DTNB: variants seen among roughly 807,000 people sequenced by gnomAD.
DTNB encodes DTN-B.
A neutral mutation model predicts 90.7 loss-of-function variants in DTNB; 63 were observed. That is an observed-to-expected ratio of 0.69 (90% CI 0.57 to 0.86). The LOEUF is 0.86. DTNB is among the 40% of genes least tolerant of loss of function. The pLI is 0.00. For synonymous variants in DTNB, 277 were observed against 286.7 expected (o/e 0.97, Z 0.34); for missense variants, 744 against 807.1 (o/e 0.92, Z 0.95).
intron 8 of DTNB, among the ~76,000 whole-genome samples, chr2:25,533,707 T>A (rs1316215716): frequency 1.3e-5 from 2 of 152,244 alleles, no homozygotes; most frequent in Admixed American, 1.3e-4. Context: ...TTCTTTTAGG[T>A]CTCTGTATCT....
At position 25,388,805 on chromosome 2, in the gene DTNB, C is replaced by CGTGTGTGTGTGTGTGTGTGTGTGTGTGT. The variant is rs112323714; in HGVS notation, c.1576-445_1576-444insACACACACACACACACACACACACACAC. Among the ~76,000 whole-genome samples the CGTGTGTGTGTGTGTGTGTGTGTGTGTGT allele has an allele frequency of 1.6e-3, 240 of 149,246 alleles. 2 individuals carry two copies. Among genetic ancestry groups the CGTGTGTGTGTGTGTGTGTGTGTGTGTGT allele is most frequent in the Middle Eastern group, 0.011 (3 of 284 alleles). ...GCAACCTGTGAGTGGAAAGGACATA[C>CGTGTGTGTGTGTGTGTGTGTGTGTGTGT]GTGTGTGTGTGTGTGTGTGTGTGTG... On this transcript the variant is annotated intron_variant, in intron 16 of 20. Transcript: ENST00000406818.
At chr2:25,642,420 A>ATT (rs11375139) in intron 2 of DTNB, among the ~76,000 whole-genome samples, 23,769 of 146,592 alleles carry the variant, frequency 0.16, 2,445 homozygotes, top group East Asian at 0.59. Flanking sequence ...CTGGGACACT[A>ATT]TTTTTTTTTT....
At chr2:25,641,821 A>G (rs2078372459) in intron 2 of DTNB, among the ~76,000 whole-genome samples, 1 of 152,076 alleles carries the variant, frequency 6.6e-6, no homozygotes. Context: ...ATCAACTTCA[A>G]AGTCTTTTTT....
intron 15 of DTNB, among the ~76,000 whole-genome samples, chr2:25,420,703 T>G (rs1265630907): frequency 6.6e-6 from 1 of 152,062 alleles, no homozygotes; most frequent in Non-Finnish European, 1.5e-5. Context: ...GGCTGGTCTC[T>G]AACTCCTGAC....
At position 25,596,199 on chromosome 2, in the gene DTNB, A is replaced by G. The variant is rs2064597420; in HGVS notation, c.490T>C (p.Phe164Leu). The change falls in exon 6 of 21, where the codon TTT becomes CTT. Residue 164 changes from phenylalanine to leucine, a missense_variant. Coordinates refer to ENST00000406818, the MANE Select transcript of DTNB (RefSeq NM_021907.5). ...TTCAGAAACTGGTCAAACTTGCTAAATATCATTAAGCCATTGGAATCTGAC... is the reference window on the plus strand; with the variant it reads ...TTCAGAAACTGGTCAAACTTGCTAAGTATCATTAAGCCATTGGAATCTGAC... ...QMSDSNGLMI[F>L]SKFDQFLKEV... The G allele has an allele frequency of 6.2e-7, 1 of 1,613,124 alleles. No individual in the cohort carries two copies. The highest frequency in any genetic ancestry group is 1.7e-5 in the Admixed American group (1 of 59,878).
At chr2:25,550,167 G>A (rs571817112) in intron 8 of DTNB, among the ~76,000 whole-genome samples, 6 of 152,010 alleles carry the variant, frequency 3.9e-5, no homozygotes, top group Admixed American at 1.3e-4. Context: ...CAAGGTGGGC[G>A]GATCACGAGG....
intron 3 of DTNB, among the ~76,000 whole-genome samples, chr2:25,629,528 G>C (rs1275970687): frequency 6.6e-6 from 1 of 152,046 alleles, no homozygotes; most frequent in Non-Finnish European, 1.5e-5. Context: ...CTGTTTGTAA[G>C]GGATATGTCT....
intron 1 of DTNB, among the ~76,000 whole-genome samples, chr2:25,667,382 G>A (rs1048689391): frequency 2.0e-5 from 3 of 151,942 alleles, no homozygotes; most frequent in Non-Finnish European, 2.9e-5. Flanking sequence ...CCAGCTACTC[G>A]GGAGGCTGAG....
intron 9 of DTNB, among the ~76,000 whole-genome samples, chr2:25,524,018 C>T (rs2076640067): frequency 6.6e-6 from 1 of 151,638 alleles, no homozygotes; most frequent in Non-Finnish European, 1.5e-5. Context: ...TCTCCTGCCT[C>T]AGCCTCCCGA....
chr2:25,407,813 T>C (rs1239821064), intron 16 of DTNB, among the ~76,000 whole-genome samples: 1 of 152,154 alleles, frequency 6.6e-6, no homozygotes, highest in Non-Finnish European at 1.5e-5. Flanking sequence ...AAACTACATA[T>C]TGGGTGCAAT....
intron 8 of DTNB, among the ~76,000 whole-genome samples, chr2:25,542,802 G>A (rs2081566170): frequency 1.3e-5 from 2 of 151,954 alleles, no homozygotes; most frequent in Admixed American, 1.3e-4. Context: ...ATAACCAAAT[G>A]TACAGTTCTT....
chr2:25,563,397 TG>T (rs2058545165), intron 8 of DTNB, among the ~76,000 whole-genome samples: 1 of 152,220 alleles, frequency 6.6e-6, no homozygotes, highest in Admixed American at 6.5e-5. Context: ...TTCTACTCAG[TG>T]GGTTATCTTT....
intron 9 of DTNB, among the ~76,000 whole-genome samples, chr2:25,503,573 A>G (rs2071419619): frequency 6.6e-6 from 1 of 152,194 alleles, no homozygotes; most frequent in Non-Finnish European, 1.5e-5. Flanking sequence ...GATCAATATT[A>G]CAAAATTCAA....
At chr2:25,548,102 T>A (rs1167451226) in intron 8 of DTNB, among the ~76,000 whole-genome samples, 1 of 152,146 alleles carries the variant, frequency 6.6e-6, no homozygotes. Context: ...ATCTTTTTGT[T>A]ATCGTGATCA....
chr2:25,384,280 A>G (rs991565921), intron 18 of DTNB, among the ~76,000 whole-genome samples: 1 of 152,170 alleles, frequency 6.6e-6, no homozygotes, highest in East Asian at 1.9e-4. Flanking sequence ...GGGAATACCT[A>G]GATTAACACG....
chr2:25,627,045 C>A (rs2074322698), intron 4 of DTNB, among the ~76,000 whole-genome samples: 1 of 152,210 alleles, frequency 6.6e-6, no homozygotes, highest in African/African-American at 2.4e-5. Context: ...AAATAGTTTT[C>A]TTCTTTTGTT....
At chr2:25,489,747 C>T (rs2066969903) in intron 9 of DTNB, among the ~76,000 whole-genome samples, 3 of 151,470 alleles carry the variant, frequency 2.0e-5, no homozygotes, top group Non-Finnish European at 4.4e-5. Context: ...AGCTCAAAAG[C>T]AATGGAAAAA....
intron 8 of DTNB, among the ~76,000 whole-genome samples, chr2:25,553,741 CA>C (rs1184090329): frequency 4.8e-3 from 186 of 39,036 alleles, no homozygotes; most frequent in African/African-American, 9.0e-3. Context: ...AACTCCTTCT[CA>C]AAAAAAAAAA....
At chr2:25,436,852 G>A (rs886612010) in intron 12 of DTNB, among the ~76,000 whole-genome samples, 2 of 152,114 alleles carry the variant, frequency 1.3e-5, no homozygotes, top group African/African-American at 4.8e-5. Flanking sequence ...GTGAGACGAG[G>A]GAAAATTATG....
Sources: gnomAD v4.1 joint callset for allele counts (sites outside exome capture counted in the v4.1 genomes callset) on GRCh38, gnomAD v4.1.1 for gene constraint, MANE v1.5 for transcripts, NCBI Gene and HGNC (gene_info 2026-07-23, HGNC 2026-07-21) for gene names.